COL22A1: variants seen among roughly 807,000 people sequenced by gnomAD.
COL22A1 encodes the protein collagen type XXII alpha 1 chain.
In COL22A1, 221 loss-of-function variants were observed where a neutral mutation model predicts 248.9. The ratio of observed to expected loss-of-function variants is 0.89; its 90% CI spans 0.80 to 0.99. The LOEUF (loss-of-function observed/expected upper bound fraction) is 0.99. COL22A1 is among the 50% of genes least tolerant of loss of function. COL22A1 has a pLI of 0.00. For missense variants in COL22A1, 2,240 were observed against 2,179.0 expected (o/e 1.03, Z -0.56); for synonymous variants, 891 against 793.4 (o/e 1.12, Z -2.07).
At chr8:138,698,725 C>A (rs1827722173) in intron 32 of COL22A1, among the ~76,000 whole-genome samples, 1 of 151,272 alleles carries the variant, frequency 6.6e-6, no homozygotes, top group South Asian at 2.1e-4. Context: ...CAGTGAGTAC[C>A]TGCCATGCAG....
At chr8:138,757,130 C>T (rs576747542) in intron 18 of COL22A1, among the ~76,000 whole-genome samples, 11 of 152,324 alleles carry the variant, frequency 7.2e-5, no homozygotes, top group Admixed American at 5.2e-4. Flanking sequence ...CAGGCACTTC[C>T]AGGACATGAG....
chr8:138,706,464 G>T (rs1271328148), intron 30 of COL22A1, among the ~76,000 whole-genome samples: 1 of 152,208 alleles, frequency 6.6e-6, no homozygotes. Flanking sequence ...AATCAAACTA[G>T]AATGCAGGAT....
chr8:138,623,262 ATGTG>A (rs5895542), intron 52 of COL22A1, among the ~76,000 whole-genome samples: 80,267 of 143,036 alleles, frequency 0.56, 22,833 homozygotes, highest in Middle Eastern at 0.77. Context: ...ATATATATTT[ATGTG>A]TGTGTGTGTG....
In COL22A1 at chr8:138,720,463, G is replaced by T. The variant is rs111688670; in HGVS notation, c.2355+276C>A. ...CTTTCCGGCTCTCGTGGGGGATAGT[G>T]CCTTCTTCTCCAGCTGCAGATCTTG... On this transcript the variant is annotated intron_variant, in intron 27 of 64. Coordinates refer to ENST00000303045, the MANE Select transcript of COL22A1 (RefSeq NM_152888.3). Among the ~76,000 whole-genome samples the T allele has an allele frequency of 3.3e-3, 496 of 152,122 alleles. 2 individuals are homozygous for T. The highest frequency in any genetic ancestry group is 0.011 in the African/African-American group (446 of 41,496).
chr8:138,663,659 G>C (rs1239167054), intron 42 of COL22A1, 46 bp downstream of exon 42: 1 of 1,425,926 alleles, frequency 7.0e-7, no homozygotes, highest in South Asian at 1.2e-5. Context: ...ATTCGAGCAG[G>C]ATTCCTCCCA....
At chr8:138,821,930 C>A (rs1383299368) in intron 6 of COL22A1, among the ~76,000 whole-genome samples, 4 of 152,184 alleles carry the variant, frequency 2.6e-5, no homozygotes, top group African/African-American at 9.7e-5. Context: ...TTCTTGATAG[C>A]AGAGGTCTGA....
In COL22A1 at chr8:138,779,504, C is replaced by T; in HGVS notation, c.1704+5G>A. 1.2e-6 allele frequency: 2 copies of T among 1,609,842 alleles called. No individual in the cohort carries two copies. The highest frequency in any genetic ancestry group is 1.1e-5 in the South Asian group (1 of 91,012). ...CAGAAGGGCCCAGCTCACAGCAACACTCACCCGCATGCCGACCTCACCCGG... is the reference window on the plus strand; with the variant it reads ...CAGAAGGGCCCAGCTCACAGCAACATTCACCCGCATGCCGACCTCACCCGG... On this transcript the variant is annotated splice_donor_5th_base_variant and intron_variant, in intron 14 of 64. Coordinates refer to ENST00000303045, the MANE Select transcript of COL22A1 (RefSeq NM_152888.3).
intron 10 of COL22A1, among the ~76,000 whole-genome samples, chr8:138,805,808 A>ATGGTGTG (rs1817544367): frequency 8.3e-6 from 1 of 120,668 alleles, no homozygotes; most frequent in Non-Finnish European, 1.7e-5. Context: ...GTGTGTCTGT[A>ATGGTGTG]TGTGTGATGG....
At chr8:138,666,582 A>C (rs183123357) in intron 41 of COL22A1, among the ~76,000 whole-genome samples, 184 of 152,332 alleles carry the variant, frequency 1.2e-3, no homozygotes, top group African/African-American at 4.2e-3. Flanking sequence ...GTCAAGGTGT[A>C]GGTCAGTGGT....
intron 7 of COL22A1, among the ~76,000 whole-genome samples, chr8:138,814,453 C>T (rs1818508398): frequency 1.3e-5 from 2 of 152,246 alleles, no homozygotes; most frequent in South Asian, 4.2e-4. Flanking sequence ...GTGTGTCCCT[C>T]TCTCTCTCAT....
At chr8:138,906,762 C>A (rs1373397427) in intron 1 of COL22A1, among the ~76,000 whole-genome samples, 2 of 151,886 alleles carry the variant, frequency 1.3e-5, no homozygotes, top group East Asian at 3.9e-4. Context: ...AAGCAATTCT[C>A]TTGCCTTAGC....
rs752542316 is a variant in COL22A1 at position 138,684,433 on chromosome 8, C to T, written c.3004G>A (p.Gly1002Arg). The part of the protein sequence containing the change: ...RGSPGLPGPL[G>R]TKAACGKVRG... ...CTTGGACAAGCACTCACCTTGGTTC[C>T]TAGGGGTCCAGGGAGTCCAGGTGAT... Residue 1002 changes from glycine (G) to arginine (R), a missense_variant, in exon 39 of 65, where the codon GGA (glycine) becomes AGA (arginine). Gly to Arg is a moderately radical substitution (Grantham distance 125, BLOSUM62 -2). Transcript: ENST00000303045. 4 of 1,610,412 alleles carry T rather than the reference C, an allele frequency of 2.5e-6. No individual in the cohort carries two copies. Among genetic ancestry groups the T allele is most frequent in the Non-Finnish European group, 3.4e-6 (4 of 1,176,742 alleles).
intron 50 of COL22A1, among the ~76,000 whole-genome samples, chr8:138,626,958 G>A (rs1820296337): frequency 6.6e-6 from 1 of 152,072 alleles, no homozygotes; most frequent in African/African-American, 2.4e-5. Context: ...TTTACCATGA[G>A]TATTTAGAGC....
intron 21 of COL22A1, among the ~76,000 whole-genome samples, chr8:138,754,091 A>G (rs1832808416): frequency 6.6e-6 from 1 of 152,236 alleles, no homozygotes. Flanking sequence ...GAAAAATAAC[A>G]TCTTCACCCT....
chr8:138,745,779 C>A (rs1192612841), intron 22 of COL22A1, among the ~76,000 whole-genome samples: 2 of 152,074 alleles, frequency 1.3e-5, no homozygotes, highest in African/African-American at 4.8e-5. Flanking sequence ...CTGAAAGGTC[C>A]CACTGCTGCA....
chr8:138,699,568 A>G (rs1295850013), intron 32 of COL22A1, among the ~76,000 whole-genome samples: 1 of 152,232 alleles, frequency 6.6e-6, no homozygotes, highest in African/African-American at 2.4e-5. Flanking sequence ...TAGACGTTGC[A>G]GTGCTAAGCT....
intron 3 of COL22A1, among the ~76,000 whole-genome samples, chr8:138,868,715 G>A (rs1823086743): frequency 6.6e-6 from 1 of 150,826 alleles, no homozygotes; most frequent in African/African-American, 2.4e-5. Flanking sequence ...ACAAGGTAGA[G>A]AGTGTCATCA....
intron 1 of COL22A1, among the ~76,000 whole-genome samples, chr8:138,894,125 G>C (rs773865009): frequency 6.6e-6 from 1 of 152,214 alleles, no homozygotes; most frequent in Non-Finnish European, 1.5e-5. Flanking sequence ...TCATGGGGAG[G>C]AAGGCATTCA....
chr8:138,646,242 G>T (rs1822193102), intron 47 of COL22A1, among the ~76,000 whole-genome samples: 1 of 152,138 alleles, frequency 6.6e-6, no homozygotes, highest in African/African-American at 2.4e-5. Context: ...TTTTTCAACT[G>T]AGTGCCACAT....
Sources: gnomAD v4.1 joint callset for allele counts (sites outside exome capture counted in the v4.1 genomes callset) on GRCh38, gnomAD v4.1.1 for gene constraint, MANE v1.5 for transcripts, NCBI Gene and HGNC (gene_info 2026-07-23, HGNC 2026-07-21) for gene names.